The following KDM2B variants were observed in gnomAD, a reference collection of about 807,000 sequenced individuals.
KDM2B encodes the protein lysine demethylase 2B, also known as lysine-specific demethylase 2B.
A neutral mutation model predicts 150.0 loss-of-function variants in KDM2B; 26 were observed. The ratio of observed to expected loss-of-function variants is 0.17; its 90% CI spans 0.13 to 0.24. KDM2B has a LOEUF of 0.24. KDM2B is among the 10% of genes least tolerant of loss of function. The pLI, the probability that KDM2B is intolerant of heterozygous loss-of-function variation, is 1.00. For synonymous variants in KDM2B, 734 were observed against 729.5 expected, an observed-to-expected ratio of 1.01 and a Z score of -0.10; for missense variants, 1,265 against 1,816.9, an observed-to-expected ratio of 0.70 and a Z score of 5.52.
intron 19 of KDM2B, among the ~76,000 whole-genome samples, chr12:121,441,735 T>TA (rs1239994778): frequency 1.1e-4 from 17 of 152,182 alleles, no homozygotes; most frequent in Admixed American, 1.1e-3. Flanking sequence ...CTCCATCAAG[T>TA]ATTTACCATG....
chr12:121,457,102 G>A (rs897502814), intron 12 of KDM2B, among the ~76,000 whole-genome samples: 1 of 152,170 alleles, frequency 6.6e-6, no homozygotes, highest in African/African-American at 2.4e-5. Flanking sequence ...ACCAGGAAAC[G>A]TGATGGCAGA....
intron 11 of KDM2B, among the ~76,000 whole-genome samples, chr12:121,503,674 G>A (rs1884800002): frequency 6.6e-6 from 1 of 152,202 alleles, no homozygotes; most frequent in Admixed American, 6.5e-5. Context: ...GAAGGGGGAA[G>A]GAAAGAGAAA....
chr12:121,427,403 A>C (rs1271756225), downstream of KDM2B, among the ~76,000 whole-genome samples: 1 of 152,154 alleles, frequency 6.6e-6, no homozygotes, highest in East Asian at 1.9e-4. Context: ...TTAACTGGGC[A>C]TGGTGGCAGG....
chr12:121,502,782 A>AG (rs1555302247), intron 11 of KDM2B, among the ~76,000 whole-genome samples: 1 of 149,126 alleles, frequency 6.7e-6, no homozygotes, highest in East Asian at 1.9e-4. Flanking sequence ...AAAAAAAAAA[A>AG]AAAAACTTAA....
intron 12 of KDM2B, among the ~76,000 whole-genome samples, chr12:121,476,561 C>T (rs549440931): frequency 5.3e-5 from 8 of 151,980 alleles, no homozygotes; most frequent in South Asian, 2.1e-4. Context: ...AAAGGTAACA[C>T]GGTTAGAAAC....
Position 121,575,748 on chromosome 12 carries a change from CG to C in KDM2B, c.350+32del, listed in dbSNP as rs782232153. On this transcript the variant is annotated intron_variant, in intron 3 of 22. Transcript: ENST00000377071. The surrounding 1 kb of genome is among the most constrained non-coding windows in gnomAD (Gnocchi z 4.4). ...CTATAAAGTATGTTAGGGAGGAAGA[CG>C]GGGGAAGGAGTGATTAGTTTCAGCA... is the stretch of plus-strand genomic sequence containing the variant. 3 of 1,442,774 alleles carry C rather than the reference CG, an allele frequency of 2.1e-6. No individual in the cohort carries two copies. The highest frequency in any genetic ancestry group is 2.9e-6 in the Non-Finnish European group (3 of 1,023,694). 89.4% of individuals were successfully genotyped at this position (1,442,774 alleles called of 1,614,324 possible).
chr12:121,523,173 G>A (rs1566373698), intron 8 of KDM2B, among the ~76,000 whole-genome samples: 1 of 152,254 alleles, frequency 6.6e-6, no homozygotes, highest in Non-Finnish European at 1.5e-5. Flanking sequence ...AAGCGACAGC[G>A]GCTCCGTTTT....
intron 12 of KDM2B, among the ~76,000 whole-genome samples, chr12:121,472,801 G>A (rs1469480199): frequency 3.9e-5 from 6 of 152,122 alleles, no homozygotes; most frequent in East Asian, 3.8e-4. Flanking sequence ...AAGGCTCAGC[G>A]AGGCAAATTG....
At chr12:121,517,318 A>C (rs1555305192) in intron 9 of KDM2B, among the ~76,000 whole-genome samples, 2 of 152,110 alleles carry the variant, frequency 1.3e-5, no homozygotes, top group African/African-American at 4.8e-5. Flanking sequence ...GTGCCACCTC[A>C]TGGGCAGTGA....
chr12:121,556,997 C>T (rs545418746), intron 4 of KDM2B, among the ~76,000 whole-genome samples: 95 of 152,098 alleles, frequency 6.2e-4, no homozygotes, highest in Non-Finnish European at 7.6e-4. Context: ...GAACAGTAGA[C>T]GCAGGGAAGG....
At chr12:121,498,870 C>T (rs1045588114) in intron 11 of KDM2B, among the ~76,000 whole-genome samples, 2 of 151,808 alleles carry the variant, frequency 1.3e-5, no homozygotes, top group Non-Finnish European at 1.5e-5. Flanking sequence ...TTGAGTGCTG[C>T]GGTGTGATCA....
intron 4 of KDM2B, among the ~76,000 whole-genome samples, chr12:121,564,630 C>G (rs782185531): frequency 5.3e-5 from 8 of 152,012 alleles, no homozygotes; most frequent in Non-Finnish European, 1.0e-4. Flanking sequence ...TACAAAAACC[C>G]TACAAATCAA....
chr12:121,481,711 G>T (rs1416223770), intron 12 of KDM2B, among the ~76,000 whole-genome samples: 1 of 152,024 alleles, frequency 6.6e-6, no homozygotes, highest in African/African-American at 2.4e-5. Flanking sequence ...TACTCCAAAG[G>T]CCAGAGCCCT....
At chr12:121,419,393 C>T in the KDM2B span, among the ~76,000 whole-genome samples, 1 of 152,220 alleles carries the variant, frequency 6.6e-6, no homozygotes, top group Non-Finnish European at 1.5e-5. Context: ...AGTCGTCAAG[C>T]AACACATACT....
In KDM2B at chr12:121,520,851, A is replaced by G; in HGVS notation, c.1047+134T>C. The G allele has an allele frequency of 2.6e-6, 1 of 381,776 alleles. No individual in the cohort carries two copies. 23.6% of individuals were successfully genotyped at this position (381,776 alleles called of 1,614,324 possible). ...CTCCCCCGCCACAGAACCAGGACTG[A>G]AGCCAGCTTGAGAGAGGAATCGGGA... On this transcript the variant is annotated intron_variant, in intron 9 of 22. Coordinates refer to ENST00000377071, the MANE Select transcript of KDM2B (RefSeq NM_032590.5). The surrounding 1 kb of genome is among the most constrained non-coding windows in gnomAD (Gnocchi z 4.5).
chr12:121,493,642 C>G (rs1481466200), intron 12 of KDM2B, among the ~76,000 whole-genome samples: 1 of 152,112 alleles, frequency 6.6e-6, no homozygotes. Context: ...CTTGGCTGTC[C>G]TAACGGGTGA....
chr12:121,417,651 CAGTATCTCATTCTG>C, the KDM2B span: 2 of 1,614,090 alleles, frequency 1.2e-6, no homozygotes, highest in African/African-American at 2.7e-5. The surrounding 1 kb of genome is among the most constrained non-coding windows in gnomAD (Gnocchi z 5.0). Flanking sequence ...GGACCTGCGG[CAGTATCTCATTCTG>C]AGAAATATAC....
chr12:121,505,960 C>A (rs1171937639), intron 11 of KDM2B, among the ~76,000 whole-genome samples: 1 of 152,202 alleles, frequency 6.6e-6, no homozygotes, highest in Non-Finnish European at 1.5e-5. Flanking sequence ...CCCTCTGTGG[C>A]AGCACTCCCA....
At chr12:121,522,838 AAAC>A (rs1404144437) in intron 8 of KDM2B, among the ~76,000 whole-genome samples, 40 of 152,336 alleles carry the variant, frequency 2.6e-4, no homozygotes, top group Admixed American at 2.5e-3. Flanking sequence ...ACAGAGCCAA[AAAC>A]AACAACAAAA....
Sources: allele counts gnomAD v4.1 joint callset (sites outside exome capture counted in the v4.1 genomes callset), GRCh38; gene constraint gnomAD v4.1.1; non-coding constraint Gnocchi (gnomAD v3.1); transcripts MANE v1.5; gene names NCBI Gene and HGNC (gene_info 2026-07-23, HGNC 2026-07-21).